The following ADCY2 variants were observed in gnomAD, a reference collection of about 807,000 sequenced individuals.
ADCY2 encodes adenylate cyclase 2.
Under a neutral mutation model 125.2 loss-of-function variants are expected in ADCY2, and 31 were observed. The observed-to-expected ratio is 0.25, with a 90% CI of 0.19 to 0.33. The LOEUF (loss-of-function observed/expected upper bound fraction) is 0.33, where lower values mean the gene tolerates loss of function less well. Ranked by LOEUF, ADCY2 falls within the 10% of genes least tolerant of loss-of-function variation. The pLI is 1.00. For synonymous variants in ADCY2, 512 were observed against 548.4 expected (o/e 0.93, Z 0.93); for missense variants, 904 against 1,418.2 (o/e 0.64, Z 5.82).
intron 2 of ADCY2, among the ~76,000 whole-genome samples, chr5:7,493,549 C>T (rs1003561085): frequency 2.0e-5 from 3 of 152,116 alleles, no homozygotes; most frequent in Non-Finnish European, 2.9e-5. Context: ...AGGCTGGAAA[C>T]GACGATGTCT....
intron 7 of ADCY2, among the ~76,000 whole-genome samples, chr5:7,699,412 T>G (rs1248034816): frequency 6.6e-6 from 1 of 152,136 alleles, no homozygotes; most frequent in Admixed American, 6.5e-5. Flanking sequence ...GCATTTTTTT[T>G]AACTGTCTAA....
intron 7 of ADCY2, among the ~76,000 whole-genome samples, chr5:7,706,520 C>T (rs1349148321): frequency 1.3e-5 from 2 of 152,338 alleles, no homozygotes; most frequent in East Asian, 3.9e-4. Context: ...TCACTATAGT[C>T]TGGCCTGATC....
At chr5:7,493,217 AGACAGTGAAGAGAAAGCCTGG>A (rs1317591701) in intron 2 of ADCY2, among the ~76,000 whole-genome samples, 1 of 152,200 alleles carries the variant, frequency 6.6e-6, no homozygotes, top group Non-Finnish European at 1.5e-5. Context: ...TTGGAAGGAA[AGACAGTGAAGAGAAAGCCTGG>A]GTCCATCTCT....
chr5:7,463,649 G>A (rs761231763), intron 2 of ADCY2, among the ~76,000 whole-genome samples: 1 of 150,014 alleles, frequency 6.7e-6, no homozygotes, highest in East Asian at 2.0e-4. Context: ...GAATGAGATC[G>A]TCCTGAAAAG....
At chr5:7,640,470 A>T (rs550596994) in intron 4 of ADCY2, among the ~76,000 whole-genome samples, 66 of 152,244 alleles carry the variant, frequency 4.3e-4, no homozygotes, top group Non-Finnish European at 8.7e-4. Context: ...TCATCAGCTG[A>T]CAGAAATGAA....
At chr5:7,662,505 C>G (rs529360626) in intron 4 of ADCY2, among the ~76,000 whole-genome samples, 4 of 152,374 alleles carry the variant, frequency 2.6e-5, no homozygotes, top group Non-Finnish European at 5.9e-5. Context: ...CTGCCTCTCT[C>G]TGCATGGCCA....
chr5:7,709,678 G>GT lies in ADCY2; in HGVS notation c.1578+297dup, dbSNP rs1006962578. 6.6e-6 allele frequency among the ~76,000 whole-genome samples: 1 copy of GT among 152,144 alleles called. No homozygotes were observed. Among genetic ancestry groups the GT allele is most frequent in the African/African-American group, 2.4e-5 (1 of 41,426 alleles). On this transcript the variant is annotated intron_variant, in intron 10 of 24. Transcript: ENST00000338316. This position sits in a 1 kb window ranked among gnomAD's most constrained non-coding sequence, Gnocchi z 4.4. ...AATACAACTATTTATTAATTGAGGGGTTTTTTAAGAAAAACTTCTATCATG... is the reference window on the plus strand; with the variant it reads ...AATACAACTATTTATTAATTGAGGGGTTTTTTTAAGAAAAACTTCTATCATG...
intron 4 of ADCY2, among the ~76,000 whole-genome samples, chr5:7,627,475 G>T (rs1429645189): frequency 6.6e-6 from 1 of 152,188 alleles, no homozygotes; most frequent in African/African-American, 2.4e-5. Flanking sequence ...TCCTGGGTTT[G>T]TGTATTTCTC....
At chr5:7,586,229 G>GC (rs1188172082) in intron 3 of ADCY2, among the ~76,000 whole-genome samples, 1 of 152,034 alleles carries the variant, frequency 6.6e-6, no homozygotes, top group African/African-American at 2.4e-5. Context: ...TTTTGTTCTG[G>GC]CAAACCGATA....
chr5:7,508,198 G>A (rs1743914973), intron 2 of ADCY2, among the ~76,000 whole-genome samples: 2 of 152,186 alleles, frequency 1.3e-5, no homozygotes, highest in South Asian at 2.1e-4. Context: ...GTCCTTCTTT[G>A]CCAGTCACGA....
At chr5:7,486,861 G>C (rs1742952848) in intron 2 of ADCY2, among the ~76,000 whole-genome samples, 3 of 152,186 alleles carry the variant, frequency 2.0e-5, no homozygotes, top group African/African-American at 7.2e-5. Flanking sequence ...ACAGGTCCAA[G>C]GTAGGCAAGT....
At chr5:7,601,406 G>C (rs914008086) in intron 3 of ADCY2, among the ~76,000 whole-genome samples, 6 of 152,214 alleles carry the variant, frequency 3.9e-5, no homozygotes, top group Non-Finnish European at 7.3e-5. Context: ...GCAAAAGTCA[G>C]TTAAAGGGAC....
At chr5:7,614,379 T>C (rs1737678680) in intron 3 of ADCY2, among the ~76,000 whole-genome samples, 1 of 152,170 alleles carries the variant, frequency 6.6e-6, no homozygotes, top group Non-Finnish European at 1.5e-5. Flanking sequence ...TTGGTTCACC[T>C]TTCTGTCTGT....
At chr5:7,813,620 T>A (rs1262288006) in intron 22 of ADCY2, among the ~76,000 whole-genome samples, 1 of 152,240 alleles carries the variant, frequency 6.6e-6, no homozygotes, top group Non-Finnish European at 1.5e-5. Flanking sequence ...TTATGAAGAC[T>A]TGTTGAAATG....
At chr5:7,811,795 A>G (rs1035830765) in intron 22 of ADCY2, among the ~76,000 whole-genome samples, 2 of 151,866 alleles carry the variant, frequency 1.3e-5, no homozygotes, top group African/African-American at 4.8e-5. Context: ...TCCTACCCTC[A>G]CCCTCCTAGT....
chr5:7,459,601 G>A (rs1163294687), intron 2 of ADCY2, among the ~76,000 whole-genome samples: 1 of 151,916 alleles, frequency 6.6e-6, no homozygotes, highest in Non-Finnish European at 1.5e-5. Flanking sequence ...GAGTCGTTGG[G>A]ATCAGTGTTA....
At chr5:7,448,747 C>T (rs911025538) in intron 2 of ADCY2, among the ~76,000 whole-genome samples, 1 of 152,090 alleles carries the variant, frequency 6.6e-6, no homozygotes, top group Non-Finnish European at 1.5e-5. Flanking sequence ...TTTTCTGTTC[C>T]CGAGTTTGCT....
intron 2 of ADCY2, among the ~76,000 whole-genome samples, chr5:7,470,568 A>G (rs1254759445): frequency 1.3e-5 from 2 of 148,240 alleles, no homozygotes; most frequent in Non-Finnish European, 3.0e-5. Context: ...ATTATATATT[A>G]TATACATTTG....
chr5:7,563,226 C>A (rs1460099785), intron 3 of ADCY2, among the ~76,000 whole-genome samples: 2 of 152,180 alleles, frequency 1.3e-5, no homozygotes. Context: ...CCATCTGTAT[C>A]CTCTGTCTTT....
Sources: allele counts gnomAD v4.1 joint callset (sites outside exome capture counted in the v4.1 genomes callset), GRCh38; gene constraint gnomAD v4.1.1; non-coding constraint Gnocchi (gnomAD v3.1); transcripts MANE v1.5; gene names NCBI Gene and HGNC (gene_info 2026-07-23, HGNC 2026-07-21).